The following GPC3 variants were observed in gnomAD, a reference collection of about 807,000 sequenced individuals.
GPC3 encodes the protein glypican-3.
GPC3 carries 3 observed loss-of-function variants against 34.4 expected under a neutral mutation model. The observed-to-expected ratio is 0.09, with a 90% CI of 0.04 to 0.23. The LOEUF (loss-of-function observed/expected upper bound fraction) is 0.23, where lower values mean the gene tolerates loss of function less well. Ranked by LOEUF, GPC3 falls within the 10% of genes least tolerant of loss-of-function variation. The pLI is 1.00. For synonymous variants in GPC3, 177 were observed against 174.0 expected, an observed-to-expected ratio of 1.02 and a Z score of -0.13; for missense variants, 351 against 445.6, an observed-to-expected ratio of 0.79 and a Z score of 1.91.
chrX:133,677,814 G>A (rs1049423478), intron 5 of GPC3, among the ~76,000 whole-genome samples: 3 of 111,597 alleles, frequency 2.7e-5, no homozygotes, highest in Middle Eastern at 4.6e-3. Context: ...TGAGAGGCAG[G>A]AAATGTACTT....
At chrX:133,933,761 A>T (rs1353031471) in intron 2 of GPC3, among the ~76,000 whole-genome samples, 1 of 110,439 alleles carries the variant, frequency 9.1e-6, no homozygotes, top group African/African-American at 3.3e-5. Context: ...ACCTTCCACC[A>T]TGAGTAAAAG....
At chrX:133,574,707 C>T (rs2069662167) in intron 7 of GPC3, among the ~76,000 whole-genome samples, 1 of 112,171 alleles carries the variant, frequency 8.9e-6, no homozygotes, top group Non-Finnish European at 1.9e-5. Context: ...TAGATCAGAT[C>T]TGTTTATATT....
chrX:133,895,606 T>C (rs1432811787), intron 2 of GPC3, among the ~76,000 whole-genome samples: 1 of 111,565 alleles, frequency 9.0e-6, no homozygotes, highest in Admixed American at 9.6e-5. Context: ...AGGAATGCAT[T>C]AGGCCCTCAG....
intron 2 of GPC3, among the ~76,000 whole-genome samples, chrX:133,883,403 T>C (rs1047624130): frequency 9.8e-5 from 11 of 111,912 alleles, no homozygotes; most frequent in Admixed American, 4.8e-4. Flanking sequence ...GGCTTTGTAG[T>C]AGACATTTAA....
intron 1 of GPC3, among the ~76,000 whole-genome samples, chrX:133,976,158 G>C (rs2076513735): frequency 1.8e-5 from 2 of 112,287 alleles, no homozygotes; most frequent in Non-Finnish European, 3.8e-5. Context: ...ATCTCTGAAA[G>C]CTGTACCCAC....
At chrX:133,709,943 T>G in intron 3 of GPC3, among the ~76,000 whole-genome samples, 1 of 112,061 alleles carries the variant, frequency 8.9e-6, no homozygotes, top group Non-Finnish European at 1.9e-5. Context: ...TAATTAACTA[T>G]TGATTGATCT....
chrX:133,590,692 C>G (rs935109370), intron 7 of GPC3, among the ~76,000 whole-genome samples: 12 of 111,360 alleles, frequency 1.1e-4, no homozygotes, highest in African/African-American at 3.9e-4. Context: ...GTGGGGAGCC[C>G]TTGGTAAGAA....
chrX:133,802,346 TAACAACAACAAC>T (rs34458608), intron 2 of GPC3, among the ~76,000 whole-genome samples: 37 of 109,457 alleles, frequency 3.4e-4, no homozygotes, highest in East Asian at 1.1e-3. Context: ...GACATTATAT[TAACAACAACAAC>T]AACAACAACA....
intron 2 of GPC3, among the ~76,000 whole-genome samples, chrX:133,950,666 A>T (rs1260685499): frequency 8.9e-6 from 1 of 112,144 alleles, no homozygotes; most frequent in Non-Finnish European, 1.9e-5. Flanking sequence ...ATTCAATGGA[A>T]TAATAAACGG....
At chrX:133,643,521 A>C (rs1227835697) in intron 6 of GPC3, among the ~76,000 whole-genome samples, 1 of 111,941 alleles carries the variant, frequency 8.9e-6, no homozygotes, top group Non-Finnish European at 1.9e-5. Context: ...ATTTGGGCAG[A>C]GTACAGAGAG....
At chrX:133,729,815 AT>A (rs1008352729) in intron 3 of GPC3, among the ~76,000 whole-genome samples, 7 of 112,044 alleles carry the variant, frequency 6.2e-5, no homozygotes, top group African/African-American at 1.9e-4. Context: ...TTCTACGCAT[AT>A]TTTTAAGCAT....
At chrX:133,906,944 CA>C (rs1366271385) in intron 2 of GPC3, among the ~76,000 whole-genome samples, 1 of 109,798 alleles carries the variant, frequency 9.1e-6, no homozygotes, top group Non-Finnish European at 1.9e-5. Context: ...ACTAAAAATA[CA>C]AAAAAATTAG....
intron 6 of GPC3, among the ~76,000 whole-genome samples, chrX:133,629,598 G>C (rs189890223): frequency 9.3e-6 from 1 of 107,664 alleles, no homozygotes; most frequent in Non-Finnish European, 1.9e-5. Context: ...GTTTCACTAC[G>C]TTGGCCAGGG....
chrX:133,666,592 G>T, intron 5 of GPC3, among the ~76,000 whole-genome samples: 1 of 112,109 alleles, frequency 8.9e-6, no homozygotes, highest in East Asian at 2.8e-4. Flanking sequence ...CTCTCCCACA[G>T]CTCTCAATAC....
chrX:133,738,211 G>A (rs920933995), intron 3 of GPC3, among the ~76,000 whole-genome samples: 3 of 112,104 alleles, frequency 2.7e-5, no homozygotes, highest in East Asian at 2.8e-4. Context: ...GGATCCTCCC[G>A]CCTCAGCCTC....
chrX:133,639,429 C>G (rs1021957284), intron 6 of GPC3, among the ~76,000 whole-genome samples: 1 of 111,569 alleles, frequency 9.0e-6, no homozygotes, highest in Non-Finnish European at 1.9e-5. Context: ...CAGAGCCTAC[C>G]CAAGTACCTG....
At chrX:133,865,510 A>G (rs1292705985) in intron 2 of GPC3, among the ~76,000 whole-genome samples, 1 of 111,995 alleles carries the variant, frequency 8.9e-6, no homozygotes, top group Admixed American at 9.5e-5. Context: ...GACAAGAGAC[A>G]TTTCACACAG....
At chrX:133,836,728 C>G (rs376937990) in intron 2 of GPC3, among the ~76,000 whole-genome samples, 3 of 111,583 alleles carry the variant, frequency 2.7e-5, no homozygotes, top group Admixed American at 9.5e-5. Flanking sequence ...CTTTCTGTTT[C>G]GGGAAGATGA....
In GPC3 at chrX:133,667,891, T is replaced by G. The variant is rs748791214; in HGVS notation, c.1293-6041A>C. ...CTCTCTCTATATATGTATATGTATA[T>G]ATATTTTCTTTTCTTTTTTTTTCTT... On this transcript the variant is annotated intron_variant, in intron 5 of 7. Transcript: ENST00000370818. Among the ~76,000 whole-genome samples the G allele has an allele frequency of 2.8e-5, 3 of 108,065 alleles. No homozygotes were observed. The South Asian group carries it at 1.3e-3, about 46-fold the overall frequency. 93.8% of individuals were successfully genotyped at this position (108,065 alleles called of 115,157 possible).
Sources: allele counts gnomAD v4.1 joint callset (sites outside exome capture counted in the v4.1 genomes callset), GRCh38; gene constraint gnomAD v4.1.1; transcripts MANE v1.5; gene names NCBI Gene and HGNC (gene_info 2026-07-23, HGNC 2026-07-21).